IL1RAPL1: variants seen among roughly 807,000 people sequenced by gnomAD.
IL1RAPL1 encodes interleukin-1 receptor accessory protein-like 1.
IL1RAPL1 carries 3 observed loss-of-function variants against 48.4 expected under a neutral mutation model. The observed-to-expected ratio is 0.06, with a 90% CI of 0.03 to 0.16. The LOEUF (loss-of-function observed/expected upper bound fraction) is 0.16, where lower values mean the gene tolerates loss of function less well. Among genes scored for constraint, IL1RAPL1 ranks in the 10% least tolerant of loss-of-function variants. IL1RAPL1 has a pLI of 1.00. For missense variants in IL1RAPL1, 349 were observed against 530.6 expected (o/e 0.66, Z 3.36); for synonymous variants, 185 against 187.7 (o/e 0.99, Z 0.12).
intron 1 of IL1RAPL1, among the ~76,000 whole-genome samples, chrX:28,781,403 G>A (rs1365714740): frequency 2.8e-5 from 3 of 108,832 alleles, no homozygotes; most frequent in Non-Finnish European, 5.7e-5. Flanking sequence ...TCCATGACAT[G>A]GCACTTTCTT....
rs186232700 is a variant in IL1RAPL1 at position 29,111,991 on chromosome X, G to A, written c.83-170947G>A. Among the ~76,000 whole-genome samples, 25 of 95,740 alleles carry A rather than the reference G, an allele frequency of 2.6e-4. 1 individual carries two copies. The East Asian group carries it at 6.8e-3, about 26-fold the overall frequency. 83.1% of individuals were successfully genotyped at this position (95,740 alleles called of 115,157 possible). ...GTCACCCAGGCTGGAGTACAGTGGCGCCATCTTGGCTTACTGCAACCTCCA... is the reference window on the plus strand; with the variant it reads ...GTCACCCAGGCTGGAGTACAGTGGCACCATCTTGGCTTACTGCAACCTCCA... On this transcript the variant is annotated intron_variant, in intron 2 of 10. Coordinates refer to ENST00000378993, the MANE Select transcript of IL1RAPL1 (RefSeq NM_014271.4).
At position 29,859,470 on chromosome X, in the gene IL1RAPL1, A is replaced by G. The variant is rs368484106; in HGVS notation, c.779-57994A>G. Among the ~76,000 whole-genome samples the G allele has an allele frequency of 6.3e-5, 7 of 111,493 alleles. No individual in the cohort carries two copies. The East Asian group carries it at 1.7e-3, about 27-fold the overall frequency. On this transcript the variant is annotated intron_variant, in intron 6 of 10. Transcript: ENST00000378993. ...AATGGAGATCACCAAAAGTTACCCA[A>G]AGCCCTCCTCAGATAACACCTCTGA...
intron 1 of IL1RAPL1, among the ~76,000 whole-genome samples, chrX:28,711,216 G>T (rs1006989437): frequency 3.6e-5 from 4 of 111,815 alleles, no homozygotes; most frequent in Non-Finnish European, 5.6e-5. Context: ...TATTTTGAAA[G>T]TAGAAACAGT....
intron 3 of IL1RAPL1, among the ~76,000 whole-genome samples, chrX:29,360,976 A>G (rs1933368307): frequency 8.9e-6 from 1 of 111,961 alleles, no homozygotes; most frequent in Non-Finnish European, 1.9e-5. Context: ...GCTATTAAAT[A>G]TATGTAAATA....
intron 5 of IL1RAPL1, among the ~76,000 whole-genome samples, chrX:29,556,387 G>A (rs888216123): frequency 5.4e-5 from 6 of 111,602 alleles, no homozygotes; most frequent in Admixed American, 9.5e-5. Context: ...AGTGGCTCAC[G>A]CCTGTAATCC....
At chrX:29,607,636 A>C (rs900719698) in intron 5 of IL1RAPL1, among the ~76,000 whole-genome samples, 14 of 111,244 alleles carry the variant, frequency 1.3e-4, no homozygotes, top group Non-Finnish European at 2.3e-4. Flanking sequence ...TTCATGGGAC[A>C]CTTCTCTGGG....
intron 2 of IL1RAPL1, among the ~76,000 whole-genome samples, chrX:28,814,385 G>GTA (rs1389753521): frequency 9.2e-6 from 1 of 108,440 alleles, no homozygotes; most frequent in Admixed American, 9.9e-5. Flanking sequence ...GTGTGTATGT[G>GTA]TATGTGTGTG....
chrX:29,830,770 A>AAGAT (rs1419615744), intron 6 of IL1RAPL1, among the ~76,000 whole-genome samples: 1 of 111,432 alleles, frequency 9.0e-6, no homozygotes, highest in African/African-American at 3.3e-5. Flanking sequence ...CTCTTTAAAA[A>AAGAT]AGATAGCTGA....
intron 2 of IL1RAPL1, among the ~76,000 whole-genome samples, chrX:28,851,008 T>C (rs4893597): frequency 0.39 from 41,403 of 105,077 alleles, 6,343 homozygotes; most frequent in East Asian, 0.55. Flanking sequence ...TAGCAAATCA[T>C]GACAACTTGA....
At chrX:28,780,640 A>G (rs1256079540) in intron 1 of IL1RAPL1, among the ~76,000 whole-genome samples, 2 of 110,586 alleles carry the variant, frequency 1.8e-5, no homozygotes, top group Non-Finnish European at 3.8e-5. Flanking sequence ...GAAATTTTAA[A>G]GAGGCATAAA....
At chrX:29,153,522 G>C (rs999081719) in intron 2 of IL1RAPL1, among the ~76,000 whole-genome samples, 6 of 111,923 alleles carry the variant, frequency 5.4e-5, no homozygotes, top group African/African-American at 1.9e-4. Flanking sequence ...GTTGAATTAT[G>C]ATTTTAACAA....
intron 2 of IL1RAPL1, among the ~76,000 whole-genome samples, chrX:29,116,923 C>T (rs1434732426): frequency 9.0e-6 from 1 of 111,332 alleles, no homozygotes; most frequent in African/African-American, 3.3e-5. Flanking sequence ...ATATGTGGTA[C>T]TGAGATAGAT....
At chrX:29,926,119 T>C (rs750461168) in intron 8 of IL1RAPL1, among the ~76,000 whole-genome samples, 98 of 111,319 alleles carry the variant, frequency 8.8e-4, no homozygotes, top group African/African-American at 3.0e-3. Context: ...AGCAATTCTG[T>C]TGAAGGCCTT....
intron 6 of IL1RAPL1, among the ~76,000 whole-genome samples, chrX:29,828,353 A>C (rs1028711990): frequency 6.2e-5 from 7 of 112,119 alleles, no homozygotes; most frequent in African/African-American, 2.3e-4. Flanking sequence ...TAGAGACTAG[A>C]TGATTAAGAA....
At chrX:29,508,994 A>G (rs1244673458) in intron 5 of IL1RAPL1, among the ~76,000 whole-genome samples, 1 of 112,297 alleles carries the variant, frequency 8.9e-6, no homozygotes, top group Non-Finnish European at 1.9e-5. Context: ...TACTTGCAAT[A>G]CCACTTTATG....
intron 5 of IL1RAPL1, among the ~76,000 whole-genome samples, chrX:29,602,590 A>G (rs1030227052): frequency 8.9e-6 from 1 of 112,565 alleles, no homozygotes; most frequent in Non-Finnish European, 1.9e-5. Context: ...TAAGTGTTCA[A>G]ATCTCCTGGC....
At chrX:29,612,422 A>G (rs1924125755) in intron 5 of IL1RAPL1, among the ~76,000 whole-genome samples, 1 of 111,142 alleles carries the variant, frequency 9.0e-6, no homozygotes, top group Admixed American at 9.6e-5. Context: ...TTAAAAAAAA[A>G]AAAGGATATT....
chrX:29,442,169 GC>G lies in IL1RAPL1; in HGVS notation c.703+42863del, dbSNP rs202167914. ...GCCTGATTTCAAACTATACTATAAT[GC>G]CATAGTCACCAAAACAGCATGGTGC... On this transcript the variant is annotated intron_variant, in intron 5 of 10. Transcript: ENST00000378993. Among the ~76,000 whole-genome samples, 1,011 of 112,001 alleles carry G rather than the reference GC, an allele frequency of 9.0e-3. 13 individuals carry two copies. The highest frequency in any genetic ancestry group is 0.031 in the African/African-American group (958 of 30,817).
At chrX:29,596,853 T>G (rs1923565578) in intron 5 of IL1RAPL1, among the ~76,000 whole-genome samples, 1 of 112,011 alleles carries the variant, frequency 8.9e-6, no homozygotes, top group South Asian at 3.7e-4. Flanking sequence ...CTCAGTATTA[T>G]GTTGGCTGTA....
Sources: allele counts gnomAD v4.1 joint callset (sites outside exome capture counted in the v4.1 genomes callset), GRCh38; gene constraint gnomAD v4.1.1; transcripts MANE v1.5; gene names NCBI Gene and HGNC (gene_info 2026-07-23, HGNC 2026-07-21).